DAZL: variants seen among roughly 807,000 people sequenced by gnomAD.
The protein encoded by DAZL is deleted in azoospermia like, also known as deleted in azoospermia-like.
DAZL carries 4 observed loss-of-function variants against 45.0 expected under a neutral mutation model. That is an observed-to-expected ratio of 0.09 (90% CI 0.04 to 0.20). DAZL has a LOEUF of 0.20. Among genes scored for constraint, DAZL ranks in the 10% least tolerant of loss-of-function variants. DAZL has a pLI of 1.00. For missense variants in DAZL, 326 were observed against 351.3 expected, an observed-to-expected ratio of 0.93 and a Z score of 0.58; for synonymous variants, 122 against 112.4, an observed-to-expected ratio of 1.09 and a Z score of -0.54.
intron 6 of DAZL, 119 bp from the exon 7 acceptor site, chr3:16,595,504 T>C (rs1368288846): frequency 1.2e-5 from 7 of 590,126 alleles, no homozygotes; most frequent in African/African-American, 1.9e-5. Flanking sequence ...TATACAACAA[T>C]GCAGAATTCT....
intron 1 of DAZL, among the ~76,000 whole-genome samples, chr3:16,599,532 T>TA (rs745438602): frequency 1.3e-5 from 2 of 152,216 alleles, no homozygotes; most frequent in Non-Finnish European, 2.9e-5. Context: ...TCCCTAATGC[T>TA]AGGGTGTTCA....
rs78431097 is a variant in DAZL at position 16,605,403 on chromosome 3, G to C, written c.-198C>G. On this transcript the variant is annotated 5_prime_UTR_variant, in exon 1 of 11. Coordinates refer to ENST00000399444, the MANE Select transcript of DAZL (RefSeq NM_001351.4). ...GGAGCCCCGAAAGGCGGACCGTCAG[G>C]CTGAGGAGCGCAGGCGGACTGAGGC... is the stretch of plus-strand genomic sequence containing the variant. The C allele has an allele frequency of 5.0e-3, 3,422 of 677,834 alleles. 88 individuals carry two copies. The highest frequency in any genetic ancestry group is 0.05 in the African/African-American group (2,785 of 56,052). The allele number at this position is 677,834 out of a possible 1,614,324, so 42.0% of individuals were successfully genotyped here.
chr3:16,595,270 C>A, intron 7 of DAZL, 44 bp downstream of exon 7: 1 of 1,142,666 alleles, frequency 8.8e-7, no homozygotes, highest in Non-Finnish European at 1.3e-6. Context: ...TTAAAGGCCT[C>A]AATAAAATCT....
chr3:16,595,096 T>C (rs1332489890), intron 7 of DAZL, among the ~76,000 whole-genome samples: 1 of 152,126 alleles, frequency 6.6e-6, no homozygotes, highest in Non-Finnish European at 1.5e-5. Context: ...CTCATAAAAC[T>C]GTTGTAGAGA....
At chr3:16,605,140 C>G (rs916561268) in intron 1 of DAZL, 63 bp downstream of exon 1, 284 of 1,606,784 alleles carry the variant, frequency 1.8e-4, no homozygotes, top group Non-Finnish European at 1.9e-4. Context: ...CCTGCAGAGC[C>G]GAGTTTCACC....
rs573756642 is a variant in DAZL, at chr3:16,605,418, C to T, written c.-213G>A. ...GGACCGTCAGGCTGAGGAGCGCAGGCGGACTGAGGCGTGGTCCGCGGGGCT... is the reference window on the plus strand; with the variant it reads ...GGACCGTCAGGCTGAGGAGCGCAGGTGGACTGAGGCGTGGTCCGCGGGGCT... On this transcript the variant is annotated 5_prime_UTR_variant, in exon 1 of 11. Transcript: ENST00000399444. The T allele has an allele frequency of 6.2e-6, 4 of 642,328 alleles. No homozygotes were observed. The highest frequency in any genetic ancestry group is 1.8e-5 in the African/African-American group (1 of 55,044). 39.8% of individuals were successfully genotyped at this position (642,328 alleles called of 1,614,324 possible).
At chr3:16,597,859 T>G (rs939741972) in intron 3 of DAZL, among the ~76,000 whole-genome samples, 1 of 152,184 alleles carries the variant, frequency 6.6e-6, no homozygotes, top group Non-Finnish European at 1.5e-5. Context: ...AAGAAAACAG[T>G]TCTTTGAGAA....
chr3:16,596,141 A>C (rs1694596429), intron 6 of DAZL, among the ~76,000 whole-genome samples: 1 of 152,082 alleles, frequency 6.6e-6, no homozygotes, highest in South Asian at 2.1e-4. Context: ...TTTATTTTCC[A>C]GCAAAGACAA....
intron 9 of DAZL, among the ~76,000 whole-genome samples, chr3:16,592,805 C>T (rs549627216): frequency 4.6e-5 from 7 of 152,154 alleles, no homozygotes; most frequent in African/African-American, 1.7e-4. Flanking sequence ...ATTTTAAAAT[C>T]GAGTATCAAA....
chr3:16,590,211 A>G (rs189963240), intron 10 of DAZL, among the ~76,000 whole-genome samples: 20 of 152,352 alleles, frequency 1.3e-4, no homozygotes, highest in Non-Finnish European at 2.1e-4. Context: ...AAATTATACT[A>G]TCTATGTAGA....
At chr3:16,591,567 G>A (rs555591260) in intron 10 of DAZL, among the ~76,000 whole-genome samples, 1 of 151,942 alleles carries the variant, frequency 6.6e-6, no homozygotes, top group South Asian at 2.1e-4. Flanking sequence ...TGAAGTAGCT[G>A]GGACTACAGG....
At chr3:16,592,237 T>G in intron 9 of DAZL, 89 bp from the exon 10 acceptor site, 1 of 1,538,572 alleles carries the variant, frequency 6.5e-7, no homozygotes, top group Middle Eastern at 2.4e-4. Flanking sequence ...ATGAATATAT[T>G]ACTTTATTTC....
Position 16,588,668 on chromosome 3 carries a change from A to T in DAZL, c.880T>A (p.Ser294Thr), listed in dbSNP as rs1319901703. 4 of 1,610,860 alleles carry T rather than the reference A, an allele frequency of 2.5e-6. No individual in the cohort carries two copies. The highest frequency in any genetic ancestry group is 2.5e-6 in the Non-Finnish European group (3 of 1,177,524). Residue 294 changes from serine (S) to threonine (T), a missense_variant, in exon 11 of 11, where the codon TCT (serine) becomes ACT (threonine). Ser to Thr is a moderately conservative substitution (Grantham distance 58). Around this residue, in one of 3 missense-constraint regions of DAZL, gnomAD observed 227 missense variants for 216.6 expected, o/e 1.05. Transcript: ENST00000399444. ...HFRRSRAMLK[S>T]V is the part of the protein sequence containing the mutation. ...TAGATAAGCCAGGAGGATCAAACAG[A>T]TTTAAGCATTGCCCGACTTCTTCTA...
intron 1 of DAZL, chr3:16,604,535 G>T: frequency 2.0e-6 from 3 of 1,469,940 alleles, no homozygotes; most frequent in Non-Finnish European, 2.7e-6. Context: ...AGGCGCGAGG[G>T]GACCAGAGGC....
At chr3:16,593,427 C>G (rs1264664150) in intron 9 of DAZL, among the ~76,000 whole-genome samples, 1 of 152,138 alleles carries the variant, frequency 6.6e-6, no homozygotes, top group Non-Finnish European at 1.5e-5. Context: ...CCCATCTCAG[C>G]CCCAAAAAGT....
At chr3:16,590,989 TTAAA>T (rs935302727) in intron 10 of DAZL, among the ~76,000 whole-genome samples, 2 of 152,222 alleles carry the variant, frequency 1.3e-5, no homozygotes, top group Admixed American at 6.5e-5. Context: ...AATGCAAACT[TTAAA>T]TAGGTAAATT....
At chr3:16,597,087 T>G in intron 4 of DAZL, 36 bp from the exon 5 acceptor site, 1 of 1,588,572 alleles carries the variant, frequency 6.3e-7, no homozygotes, top group Non-Finnish European at 8.6e-7. Context: ...AGAATCAATT[T>G]TCAAGTCTTT....
chr3:16,605,307 C>CA lies in DAZL; in HGVS notation c.-103_-102insT. 1.4e-6 allele frequency: 2 copies of CA among 1,442,140 alleles called. No homozygotes were observed. The highest frequency in any genetic ancestry group is 2.0e-6 in the Non-Finnish European group (2 of 1,023,382). The allele number at this position is 1,442,140 out of a possible 1,614,324, so 89.3% of individuals were successfully genotyped here. ...CTGTGAGGTCCGCTGGAACCCGCTG[C>CA]GCGGCTTCGAGTGGTCAAAGGAGCC... On this transcript the variant is annotated 5_prime_UTR_variant, in exon 1 of 11. Transcript: ENST00000399444.
intron 1 of DAZL, among the ~76,000 whole-genome samples, chr3:16,601,383 A>T (rs950724513): frequency 1.3e-5 from 2 of 152,206 alleles, no homozygotes; most frequent in Non-Finnish European, 2.9e-5. Context: ...TCACTTTAAT[A>T]GCGTAATAAC....
Sources: allele counts gnomAD v4.1 joint callset (sites outside exome capture counted in the v4.1 genomes callset), GRCh38; gene constraint gnomAD v4.1.1; regional missense constraint gnomAD v4.1.1; transcripts MANE v1.5; gene names NCBI Gene and HGNC (gene_info 2026-07-23, HGNC 2026-07-21).